PRAP1: variants seen among roughly 807,000 people sequenced by gnomAD.
PRAP1 encodes proline-rich acidic protein 1.
In PRAP1, 12 loss-of-function variants were observed where a neutral mutation model predicts 14.6. The observed-to-expected ratio is 0.82, with a 90% CI of 0.53 to 1.33. PRAP1 has a LOEUF of 1.33. PRAP1 is among the 40% of genes most tolerant of loss of function. The pLI is 0.00. For missense variants in PRAP1, 160 were observed against 193.7 expected, an observed-to-expected ratio of 0.83 and a Z score of 1.03; for synonymous variants, 81 against 80.3, an observed-to-expected ratio of 1.01 and a Z score of -0.04.
Position 133,351,582 on chromosome 10 carries a change from C to G in PRAP1, c.128+149C>G. On this transcript the variant is annotated intron_variant, in intron 3 of 4. Coordinates refer to ENST00000433452, the MANE Select transcript of PRAP1 (RefSeq NM_145202.5). This position sits in a 1 kb window ranked among gnomAD's most constrained non-coding sequence, Gnocchi z 4.3. ...TTGGAAGGAGGGGGCACTCCAGCCT[C>G]ATGGGCATCTGTCAACAGCGCCCCA... 1 of 665,058 alleles carries G rather than the reference C, an allele frequency of 1.5e-6. No individual in the cohort carries two copies. The highest frequency in any genetic ancestry group is 2.6e-6 in the Non-Finnish European group (1 of 379,400). 41.2% of individuals were successfully genotyped at this position (665,058 alleles called of 1,614,324 possible). A position where few individuals can be genotyped will look rare whatever the true frequency, so the allele number is the denominator to read the frequency against.
chr10:133,349,386 C>T (rs1016020009), intron 1 of PRAP1, among the ~76,000 whole-genome samples: 2 of 151,942 alleles, frequency 1.3e-5, no homozygotes, highest in African/African-American at 4.8e-5. Flanking sequence ...TACACATGCA[C>T]CACACACTGA....
chr10:133,349,760 C>T (rs890141506), intron 1 of PRAP1, among the ~76,000 whole-genome samples: 1 of 152,214 alleles, frequency 6.6e-6, no homozygotes, highest in Non-Finnish European at 1.5e-5. Context: ...TGTGTCCCCA[C>T]GTGGAGGGCG....
rs141097182 is a variant in PRAP1 at position 133,349,170 on chromosome 10, C to T, written c.9-925C>T. On this transcript the variant is annotated intron_variant, in intron 1 of 4. Transcript: ENST00000433452. Reference sequence around the variant, plus strand: ...CACACGCATGCACACAGCACACACCCACCCCCAAACCCTTACGCTCCACCC... The same window carrying T: ...CACACGCATGCACACAGCACACACCTACCCCCAAACCCTTACGCTCCACCC... Among the ~76,000 whole-genome samples, 644 of 151,576 alleles carry T rather than the reference C, an allele frequency of 4.2e-3. 5 individuals carry two copies. Among genetic ancestry groups the T allele is most frequent in the South Asian group, 0.014 (65 of 4,790 alleles).
chr10:133,352,514 G>A lies in PRAP1; in HGVS notation c.*74G>A. 7.5e-7 allele frequency: 1 copy of A among 1,340,988 alleles called. No homozygotes were observed. The allele number at this position is 1,340,988 out of a possible 1,614,324, so 83.1% of individuals were successfully genotyped here. A position where few individuals can be genotyped will look rare whatever the true frequency, so the allele number is the denominator to read the frequency against. The stretch of plus-strand genomic sequence containing the variant: ...TTGGGACTGGGACCCTCCCTACCCT[G>A]CCCCAGCTAGACAAATAAACCCCAG... On this transcript the variant is annotated 3_prime_UTR_variant, in exon 5 of 5. Coordinates refer to ENST00000433452, the MANE Select transcript of PRAP1 (RefSeq NM_145202.5).
At position 133,351,531 on chromosome 10, in the gene PRAP1, C is replaced by G. The variant is rs1848678893; in HGVS notation, c.128+98C>G. 1.1e-6 allele frequency: 1 copy of G among 940,922 alleles called. No individual in the cohort carries two copies. The highest frequency in any genetic ancestry group is 1.6e-6 in the Non-Finnish European group (1 of 610,334). 58.3% of individuals were successfully genotyped at this position (940,922 alleles called of 1,614,324 possible). The stretch of plus-strand genomic sequence containing the variant: ...GAACCTGGAGAGCACGGGGCAGATG[C>G]AGAGAGGAGCCCTGTCCAGCAGCTT... On this transcript the variant is annotated intron_variant, in intron 3 of 4. Transcript: ENST00000433452. This position sits in a 1 kb window ranked among gnomAD's most constrained non-coding sequence, Gnocchi z 4.3.
Position 133,351,051 on chromosome 10 carries a change from G to A in PRAP1, c.76-330G>A, listed in dbSNP as rs1216291855. 2.6e-5 allele frequency among the ~76,000 whole-genome samples: 4 copies of A among 152,344 alleles called. No individual in the cohort carries two copies. Among genetic ancestry groups the A allele is most frequent in the Middle Eastern group, 3.4e-3 (1 of 294 alleles). On this transcript the variant is annotated intron_variant, in intron 2 of 4. Coordinates refer to ENST00000433452, the MANE Select transcript of PRAP1 (RefSeq NM_145202.5). This position sits in a 1 kb window ranked among gnomAD's most constrained non-coding sequence, Gnocchi z 4.3. ...AACCAGTCACTGCAGAAAACAGCCA[G>A]TGCATTGACGGCCAGGGTTGGGAGT...
chr10:133,351,264 C>A lies in PRAP1; in HGVS notation c.76-117C>A. 3.1e-6 allele frequency: 2 copies of A among 649,908 alleles called. No individual in the cohort carries two copies. Among genetic ancestry groups the A allele is most frequent in the Non-Finnish European group, 5.5e-6 (2 of 366,708 alleles). 40.3% of individuals were successfully genotyped at this position (649,908 alleles called of 1,614,324 possible). On this transcript the variant is annotated intron_variant, in intron 2 of 4. Transcript: ENST00000433452. This position sits in a 1 kb window ranked among gnomAD's most constrained non-coding sequence, Gnocchi z 4.3. ...CTGTGCTGAGCTGGCCCTGCCCCCA[C>A]CCCCTGCAGCCACCTCCACCCCATG...
intron 1 of PRAP1, among the ~76,000 whole-genome samples, chr10:133,348,035 T>C (rs916523919): frequency 1.3e-5 from 2 of 152,172 alleles, no homozygotes; most frequent in African/African-American, 4.8e-5. Flanking sequence ...TCTGGGTAGC[T>C]TGGGGACCCT....
chr10:133,351,268 CTGCAGCCACCTCCA>C lies in PRAP1; in HGVS notation c.76-112_76-99del. On this transcript the variant is annotated intron_variant, in intron 2 of 4. Coordinates refer to ENST00000433452, the MANE Select transcript of PRAP1 (RefSeq NM_145202.5). The surrounding 1 kb of genome is among the most constrained non-coding windows in gnomAD (Gnocchi z 4.3). ...GCTGAGCTGGCCCTGCCCCCACCCC[CTGCAGCCACCTCCA>C]CCCCATGCAGCCCCAGGTGGGCCTC... 1 of 685,850 alleles carries C rather than the reference CTGCAGCCACCTCCA, an allele frequency of 1.5e-6. No individual in the cohort carries two copies. Among genetic ancestry groups the C allele is most frequent in the Non-Finnish European group, 2.5e-6 (1 of 395,348 alleles). 42.5% of individuals were successfully genotyped at this position (685,850 alleles called of 1,614,324 possible). A position where few individuals can be genotyped will look rare whatever the true frequency, so the allele number is the denominator to read the frequency against.
Position 133,350,085 on chromosome 10 carries a change from C to A in PRAP1, c.9-10C>A. 3.7e-6 allele frequency: 6 copies of A among 1,611,110 alleles called. No individual in the cohort carries two copies. The highest frequency in any genetic ancestry group is 5.1e-6 in the Non-Finnish European group (6 of 1,178,868). On this transcript the variant is annotated splice_polypyrimidine_tract_variant and intron_variant, in intron 1 of 4. Transcript: ENST00000433452. Reference sequence around the variant, plus strand: ...CCTACCTCACACTTCCCTCTCTGGCCCCCCCTCAGGCTCCTCCTGGTCACC... The same window carrying A: ...CCTACCTCACACTTCCCTCTCTGGCACCCCCTCAGGCTCCTCCTGGTCACC...
At chr10:133,349,427 C>T (rs1406493864) in intron 1 of PRAP1, among the ~76,000 whole-genome samples, 4 of 152,150 alleles carry the variant, frequency 2.6e-5, no homozygotes, top group South Asian at 4.1e-4. Context: ...CCGAACACGA[C>T]ACCACCCACA....
chr10:133,351,688 A>C lies in PRAP1; in HGVS notation c.128+255A>C, dbSNP rs1457672146. 6.6e-6 allele frequency among the ~76,000 whole-genome samples: 1 copy of C among 152,176 alleles called. No homozygotes were observed. Among genetic ancestry groups the C allele is most frequent in the East Asian group, 1.9e-4 (1 of 5,180 alleles). On this transcript the variant is annotated intron_variant, in intron 3 of 4. Coordinates refer to ENST00000433452, the MANE Select transcript of PRAP1 (RefSeq NM_145202.5). The surrounding 1 kb of genome is among the most constrained non-coding windows in gnomAD (Gnocchi z 4.3). Reference sequence around the variant, plus strand: ...TCAGCTTCCCCACAGCCTCCAGGGCAGCTTGTGCTCCACGGCTGGTGGCTG... The same window carrying C: ...TCAGCTTCCCCACAGCCTCCAGGGCCGCTTGTGCTCCACGGCTGGTGGCTG...
At position 133,351,827 on chromosome 10, in the gene PRAP1, G is replaced by A. The variant is rs998747932; in HGVS notation, c.129-180G>A. 6.6e-6 allele frequency among the ~76,000 whole-genome samples: 1 copy of A among 152,230 alleles called. No individual in the cohort carries two copies. The highest frequency in any genetic ancestry group is 1.5e-5 in the Non-Finnish European group (1 of 68,024). Reference sequence around the variant, plus strand: ...CCACGCAGCCACCCAGGGACGTGGTGTGGAAGCCTGGCCGGGAGCACTGGG... The same window carrying A: ...CCACGCAGCCACCCAGGGACGTGGTATGGAAGCCTGGCCGGGAGCACTGGG... On this transcript the variant is annotated intron_variant, in intron 3 of 4. Coordinates refer to ENST00000433452, the MANE Select transcript of PRAP1 (RefSeq NM_145202.5). The surrounding 1 kb of genome is among the most constrained non-coding windows in gnomAD (Gnocchi z 4.3).
In PRAP1 at chr10:133,351,968, C is replaced by A. The variant is rs1231466901; in HGVS notation, c.129-39C>A. The A allele has an allele frequency of 6.2e-7, 1 of 1,604,770 alleles. No homozygotes were observed. The highest frequency in any genetic ancestry group is 1.1e-5 in the South Asian group (1 of 90,308). ...TCCTGCGGGGGGTTCTGTCCACCTC[C>A]CCCACCTGCATGTGGACCTGACCAA... On this transcript the variant is annotated intron_variant, in intron 3 of 4. Transcript: ENST00000433452. This position sits in a 1 kb window ranked among gnomAD's most constrained non-coding sequence, Gnocchi z 4.3.
In PRAP1 at chr10:133,350,160, A is replaced by G; in HGVS notation, c.74A>G (p.Lys25Arg). Residue 25 changes from lysine to arginine, a missense_variant and splice_region_variant, in exon 2 of 5, where the codon AAG (lysine) becomes AGG (arginine). Coordinates refer to ENST00000433452, the MANE Select transcript of PRAP1 (RefSeq NM_145202.5). ...LWEAGAVPAP[K>R]VPIKMQVKHW... ...GAGGCAGGTGCAGTCCCAGCACCCA[A>G]GGTAGGTGTGAGCCCCTCCCATCTG... is the stretch of plus-strand genomic sequence containing the variant. 6.2e-7 allele frequency: 1 copy of G among 1,613,106 alleles called. No individual in the cohort carries two copies.
Position 133,351,521 on chromosome 10 carries a change from G to C in PRAP1, c.128+88G>C, listed in dbSNP as rs370585915. ...GGCCCTTCCTGAACCTGGAGAGCAC[G>C]GGGCAGATGCAGAGAGGAGCCCTGT... On this transcript the variant is annotated intron_variant, in intron 3 of 4. Transcript: ENST00000433452. This position sits in a 1 kb window ranked among gnomAD's most constrained non-coding sequence, Gnocchi z 4.3. 3 of 1,060,382 alleles carry C rather than the reference G, an allele frequency of 2.8e-6. No individual in the cohort carries two copies. The highest frequency in any genetic ancestry group is 1.6e-5 in the African/African-American group (1 of 63,538). The allele number at this position is 1,060,382 out of a possible 1,614,324, so 65.7% of individuals were successfully genotyped here.
Position 133,347,544 on chromosome 10 carries a change from G to A in PRAP1, c.8+119G>A, listed in dbSNP as rs149719508. The stretch of plus-strand genomic sequence containing the variant: ...GGGGGCCTGGTTCAGGGGAGTGTGC[G>A]GGTGGGAGGGAGAAGGAGGGGCCCT... On this transcript the variant is annotated intron_variant, in intron 1 of 4. Coordinates refer to ENST00000433452, the MANE Select transcript of PRAP1 (RefSeq NM_145202.5). This position sits in a 1 kb window ranked among gnomAD's most constrained non-coding sequence, Gnocchi z 5.0. 1,142 of 1,057,778 alleles carry A rather than the reference G, an allele frequency of 1.1e-3. 8 individuals carry two copies. The African/African-American group carries it at 0.015, about 14-fold the overall frequency. The allele number at this position is 1,057,778 out of a possible 1,614,324, so 65.5% of individuals were successfully genotyped here. A position where few individuals can be genotyped will look rare whatever the true frequency, so the allele number is the denominator to read the frequency against.
chr10:133,351,701 C>T lies in PRAP1; in HGVS notation c.128+268C>T, dbSNP rs115775932. Among the ~76,000 whole-genome samples the T allele has an allele frequency of 1.0e-2, 1,522 of 152,340 alleles. 26 individuals carry two copies. The highest frequency in any genetic ancestry group is 0.035 in the African/African-American group (1,457 of 41,568). ...AGCCTCCAGGGCAGCTTGTGCTCCA[C>T]GGCTGGTGGCTGTAGCTGGGGCGGC... On this transcript the variant is annotated intron_variant, in intron 3 of 4. Transcript: ENST00000433452. This position sits in a 1 kb window ranked among gnomAD's most constrained non-coding sequence, Gnocchi z 4.3.
chr10:133,350,530 G>A (rs1376319320), intron 2 of PRAP1: 1 of 227,618 alleles, frequency 4.4e-6, no homozygotes, highest in East Asian at 9.8e-5. Flanking sequence ...GGTGATCCCA[G>A]ATGAACCCAT....
Sources: allele counts gnomAD v4.1 joint callset (sites outside exome capture counted in the v4.1 genomes callset), GRCh38; gene constraint gnomAD v4.1.1; non-coding constraint Gnocchi (gnomAD v3.1); transcripts MANE v1.5; gene names NCBI Gene and HGNC (gene_info 2026-07-23, HGNC 2026-07-21).